Variants in SMIM10L3 observed in about 807,000 individuals in gnomAD.
SMIM10L3 encodes small integral membrane protein 10 like 3, also known as salivary gland specific protein SAGSIN1.
the SMIM10L3 span, among the ~76,000 whole-genome samples, chr7:6,343,703 C>T: frequency 6.6e-6 from 1 of 151,972 alleles, no homozygotes; most frequent in Non-Finnish European, 1.5e-5. Context: ...CAGTATACAA[C>T]TGTCTGCATC....
At chr7:6,344,366 C>T in the SMIM10L3 span, among the ~76,000 whole-genome samples, 1 of 152,174 alleles carries the variant, frequency 6.6e-6, no homozygotes, top group African/African-American at 2.4e-5. Context: ...CTCCCCACCC[C>T]CATGATGTGA....
the SMIM10L3 span, among the ~76,000 whole-genome samples, chr7:6,334,082 G>C: frequency 2.0e-5 from 3 of 150,944 alleles, no homozygotes; most frequent in South Asian, 2.1e-4. Flanking sequence ...TCCTGACCTC[G>C]TGATCCGCCC....
At chr7:6,337,141 AGCTCACT>A in the SMIM10L3 span, among the ~76,000 whole-genome samples, 1 of 149,010 alleles carries the variant, frequency 6.7e-6, no homozygotes, top group South Asian at 2.1e-4. Context: ...GCGCAATCTC[AGCTCACT>A]GCAGCCTCTG....
At chr7:6,348,726 C>G in the SMIM10L3 span, 7 of 417,802 alleles carry the variant, frequency 1.7e-5, no homozygotes, top group Admixed American at 2.1e-4. Flanking sequence ...AGCGCGAGAG[C>G]CGGACAGCCA....
At chr7:6,338,070 C>T in the SMIM10L3 span, among the ~76,000 whole-genome samples, 1 of 152,102 alleles carries the variant, frequency 6.6e-6, no homozygotes, top group African/African-American at 2.4e-5. Context: ...TCCCAAAGCA[C>T]TGCGATTACA....
the SMIM10L3 span, among the ~76,000 whole-genome samples, chr7:6,340,807 G>C: frequency 6.7e-6 from 1 of 150,172 alleles, no homozygotes; most frequent in Non-Finnish European, 1.5e-5. Context: ...GCTGAGGCAG[G>C]AGAATGGCGT....
the SMIM10L3 span, among the ~76,000 whole-genome samples, chr7:6,334,019 C>T: frequency 1.7e-4 from 26 of 150,488 alleles, no homozygotes; most frequent in East Asian, 8.1e-4. Flanking sequence ...GCTAATTTTT[C>T]GTATTTTTAG....
At chr7:6,342,991 C>T in the SMIM10L3 span, among the ~76,000 whole-genome samples, 1,246 of 150,832 alleles carry the variant, frequency 8.3e-3, 17 homozygotes, top group African/African-American at 0.029. Context: ...GAGCTATGAT[C>T]GCACCACTGC....
chr7:6,336,896 C>T, the SMIM10L3 span, among the ~76,000 whole-genome samples: 12 of 151,554 alleles, frequency 7.9e-5, no homozygotes, highest in Non-Finnish European at 1.2e-4. Context: ...TCAAGTGATC[C>T]GCCCACCTCA....
the SMIM10L3 span, chr7:6,341,904 A>T: frequency 6.6e-6 from 1 of 152,158 alleles, no homozygotes; most frequent in Non-Finnish European, 1.5e-5. Flanking sequence ...AGGCTGAGGC[A>T]GGAGAATCAC....
At chr7:6,331,619 A>T in the SMIM10L3 span, among the ~76,000 whole-genome samples, 1 of 151,884 alleles carries the variant, frequency 6.6e-6, no homozygotes, top group South Asian at 2.1e-4. Flanking sequence ...TGACCTCATG[A>T]TCCACTCGCC....
the SMIM10L3 span, among the ~76,000 whole-genome samples, chr7:6,347,473 G>A: frequency 1.3e-3 from 195 of 151,772 alleles, 1 homozygote; most frequent in African/African-American, 4.5e-3. Flanking sequence ...CTGAGATGGC[G>A]CCACCGCACT....
At chr7:6,337,096 G>GTC in the SMIM10L3 span, among the ~76,000 whole-genome samples, 1 of 148,100 alleles carries the variant, frequency 6.8e-6, no homozygotes, top group Non-Finnish European at 1.5e-5. Flanking sequence ...TGAGACAAGA[G>GTC]TCTCTCTCTG....
At chr7:6,347,883 T>TTTA in the SMIM10L3 span, among the ~76,000 whole-genome samples, 25,110 of 131,218 alleles carry the variant, frequency 0.19, 2,652 homozygotes, top group Middle Eastern at 0.3. Flanking sequence ...ACGAGACCCC[T>TTTA]TTATTATTAT....
At chr7:6,334,060 AT>A in the SMIM10L3 span, among the ~76,000 whole-genome samples, 1 of 150,554 alleles carries the variant, frequency 6.6e-6, no homozygotes, top group Non-Finnish European at 1.5e-5. Flanking sequence ...GTTAGCCAGG[AT>A]GGAATCTATC....
At chr7:6,336,626 G>A in the SMIM10L3 span, among the ~76,000 whole-genome samples, 5 of 151,684 alleles carry the variant, frequency 3.3e-5, no homozygotes, top group East Asian at 1.9e-4. Flanking sequence ...AGAGGCTGCC[G>A]TGAGCCAAGA....
the SMIM10L3 span, chr7:6,348,531 GCT>G: frequency 2.4e-6 from 1 of 416,534 alleles, no homozygotes; most frequent in Non-Finnish European, 4.2e-6. Context: ...CGAGGCGGGC[GCT>G]CGGGGAGGGC....
chr7:6,348,235 G>A, the SMIM10L3 span, among the ~76,000 whole-genome samples: 5 of 151,064 alleles, frequency 3.3e-5, no homozygotes, highest in Non-Finnish European at 1.5e-5. Flanking sequence ...AAAAATAAGG[G>A]GGGGGGTTGC....
the SMIM10L3 span, among the ~76,000 whole-genome samples, chr7:6,337,086 T>C: frequency 2.6e-5 from 4 of 151,690 alleles, no homozygotes; most frequent in Non-Finnish European, 5.9e-5. Flanking sequence ...TTTTTTTTTT[T>C]GAGACAAGAG....
Sources: gnomAD v4.1 joint callset for allele counts (sites outside exome capture counted in the v4.1 genomes callset) on GRCh38, gnomAD v4.1.1 for gene constraint, MANE v1.5 for transcripts, NCBI Gene and HGNC (gene_info 2026-07-23, HGNC 2026-07-21) for gene names.